VAV3: variants seen among roughly 807,000 people sequenced by gnomAD.
VAV3 encodes vav guanine nucleotide exchange factor 3.
A neutral mutation model predicts 131.2 loss-of-function variants in VAV3; 94 were observed. The ratio of observed to expected loss-of-function variants is 0.72; its 90% CI spans 0.61 to 0.85. The LOEUF (loss-of-function observed/expected upper bound fraction) is 0.85, where lower values mean the gene tolerates loss of function less well. Among genes scored for constraint, VAV3 ranks in the 40% least tolerant of loss-of-function variants. The pLI is 0.00. For synonymous variants in VAV3, 349 were observed against 342.0 expected (o/e 1.02, Z -0.22); for missense variants, 939 against 1,002.7 (o/e 0.94, Z 0.86).
chr1:107,878,489 G>T (rs940790080), intron 1 of VAV3, among the ~76,000 whole-genome samples: 1 of 152,068 alleles, frequency 6.6e-6, no homozygotes, highest in Non-Finnish European at 1.5e-5. Flanking sequence ...AGTCCAGGCT[G>T]GTTGTCTTAC....
chr1:107,958,037 TAAGATGCCTA>T (rs1282164764), intron 1 of VAV3, among the ~76,000 whole-genome samples: 1 of 152,160 alleles, frequency 6.6e-6, no homozygotes, highest in Non-Finnish European at 1.5e-5. Flanking sequence ...AACAAGTGCT[TAAGATGCCTA>T]AAGATGCCAC....
chr1:107,796,570 A>G (rs754712033), intron 2 of VAV3, among the ~76,000 whole-genome samples: 49 of 152,056 alleles, frequency 3.2e-4, no homozygotes, highest in Non-Finnish European at 6.2e-4. Context: ...AATTTTCTCA[A>G]TATATGATGG....
intron 17 of VAV3, among the ~76,000 whole-genome samples, chr1:107,698,292 G>A (rs1486271745): frequency 6.6e-6 from 1 of 152,170 alleles, no homozygotes; most frequent in East Asian, 1.9e-4. Context: ...TCCCGGGCGA[G>A]CAACATGCCC....
chr1:107,697,504 A>C (rs1659820731), intron 17 of VAV3, among the ~76,000 whole-genome samples: 1 of 152,238 alleles, frequency 6.6e-6, no homozygotes, highest in African/African-American at 2.4e-5. Flanking sequence ...AAGCAAATTT[A>C]GCCAGAGGTT....
Position 107,749,342 on chromosome 1 carries a change from A to G in VAV3, c.1392+120T>C, listed in dbSNP as rs1050003709. ...TCTCACAAAGTTATGTACCTAATCA[A>G]TCTCTAGAAACAAAAACATCTGGAT... On this transcript the variant is annotated intron_variant, in intron 14 of 26. Coordinates refer to ENST00000370056, the MANE Select transcript of VAV3 (RefSeq NM_006113.5). 246 of 1,171,182 alleles carry G rather than the reference A, an allele frequency of 2.1e-4. 1 individual carries two copies. Among genetic ancestry groups the G allele is most frequent in the Middle Eastern group, 3.0e-4 (1 of 3,354 alleles). 72.5% of individuals were successfully genotyped at this position (1,171,182 alleles called of 1,614,324 possible).
At chr1:107,931,929 C>G (rs1338328923) in intron 1 of VAV3, among the ~76,000 whole-genome samples, 1 of 152,190 alleles carries the variant, frequency 6.6e-6, no homozygotes, top group Non-Finnish European at 1.5e-5. Context: ...AATCTGAGAA[C>G]AGTTCTATAT....
At chr1:107,791,992 G>T (rs1156498928) in intron 2 of VAV3, among the ~76,000 whole-genome samples, 1 of 152,156 alleles carries the variant, frequency 6.6e-6, no homozygotes, top group Admixed American at 6.5e-5. Flanking sequence ...TCTGCTAAAA[G>T]CAGGCAATGC....
intron 17 of VAV3, among the ~76,000 whole-genome samples, chr1:107,701,103 T>A (rs1344066630): frequency 6.6e-6 from 1 of 152,238 alleles, no homozygotes; most frequent in African/African-American, 2.4e-5. Flanking sequence ...AATGTCTTCT[T>A]TTGAGAAGTG....
At chr1:107,751,224 T>C in intron 12 of VAV3, 22 bp from the exon 13 acceptor site, 1 of 1,563,242 alleles carries the variant, frequency 6.4e-7, no homozygotes, top group Non-Finnish European at 8.7e-7. Context: ...AATGCACATG[T>C]CAGAGTTTTT....
At chr1:107,646,892 G>A (rs1276459358) in intron 19 of VAV3, among the ~76,000 whole-genome samples, 1 of 151,788 alleles carries the variant, frequency 6.6e-6, no homozygotes, top group East Asian at 1.9e-4. Context: ...TTTAAAAGGG[G>A]GACCTGAAAC....
chr1:107,775,232 C>T (rs1665286516), intron 4 of VAV3, among the ~76,000 whole-genome samples: 1 of 151,824 alleles, frequency 6.6e-6, no homozygotes, highest in African/African-American at 2.4e-5. Flanking sequence ...GTGAAAAGAA[C>T]AAAATGGGGA....
chr1:107,875,887 T>C (rs908340088), intron 1 of VAV3, among the ~76,000 whole-genome samples: 1 of 152,160 alleles, frequency 6.6e-6, no homozygotes, highest in African/African-American at 2.4e-5. Flanking sequence ...AGAGGCCTAT[T>C]AGTCATCCAA....
At chr1:107,728,833 T>C (rs916148482) in intron 15 of VAV3, among the ~76,000 whole-genome samples, 1 of 152,190 alleles carries the variant, frequency 6.6e-6, no homozygotes, top group African/African-American at 2.4e-5. Context: ...TATAGAATTA[T>C]AATTGTCACC....
intron 2 of VAV3, among the ~76,000 whole-genome samples, chr1:107,808,185 A>T (rs576134585): frequency 6.6e-6 from 1 of 152,198 alleles, no homozygotes; most frequent in Non-Finnish European, 1.5e-5. Context: ...TTCCATCTTT[A>T]GTAGAAATAC....
At chr1:107,728,324 T>A (rs536110978) in intron 15 of VAV3, among the ~76,000 whole-genome samples, 1 of 152,080 alleles carries the variant, frequency 6.6e-6, no homozygotes, top group African/African-American at 2.4e-5. Context: ...CTGGTTCCTT[T>A]AATAGTCTCA....
At chr1:107,740,370 CT>C (rs1181539793) in intron 15 of VAV3, among the ~76,000 whole-genome samples, 2 of 152,018 alleles carry the variant, frequency 1.3e-5, no homozygotes, top group African/African-American at 4.8e-5. Flanking sequence ...CTGGCCTGGA[CT>C]CCGTGGGACC....
intron 2 of VAV3, among the ~76,000 whole-genome samples, chr1:107,808,740 C>A (rs557496319): frequency 6.6e-6 from 1 of 152,216 alleles, no homozygotes; most frequent in South Asian, 2.1e-4. Flanking sequence ...TCTAGCTCCA[C>A]AATATTCCAT....
chr1:107,962,606 C>T (rs1675151468), intron 1 of VAV3, among the ~76,000 whole-genome samples: 2 of 152,156 alleles, frequency 1.3e-5, no homozygotes, highest in African/African-American at 4.8e-5. Flanking sequence ...TCCACTTGTT[C>T]AGCAGCCTTG....
chr1:107,656,128 A>G (rs1483108596), intron 19 of VAV3, among the ~76,000 whole-genome samples: 1 of 152,204 alleles, frequency 6.6e-6, no homozygotes, highest in Non-Finnish European at 1.5e-5. Context: ...GGAAATCAAT[A>G]TATTCAATTG....
Sources: gnomAD v4.1 joint callset for allele counts (sites outside exome capture counted in the v4.1 genomes callset) on GRCh38, gnomAD v4.1.1 for gene constraint, MANE v1.5 for transcripts, NCBI Gene and HGNC (gene_info 2026-07-23, HGNC 2026-07-21) for gene names.